The following LMF1 variants were observed in gnomAD, a reference collection of about 807,000 sequenced individuals.
LMF1 encodes transmembrane protein 112.
In LMF1, 68 loss-of-function variants were observed where a neutral mutation model predicts 60.6. That is an observed-to-expected ratio of 1.12 (90% confidence interval 0.92 to 1.37). LMF1 has a LOEUF of 1.37. LMF1 is among the 40% of genes most tolerant of loss of function. LMF1 has a pLI of 0.00. For missense variants in LMF1, 948 were observed against 767.2 expected, an observed-to-expected ratio of 1.24 and a Z score of -2.78; for synonymous variants, 418 against 324.7, an observed-to-expected ratio of 1.29 and a Z score of -3.09.
chr16:963,681 T>C (rs1439713561), intron 1 of LMF1, among the ~76,000 whole-genome samples: 2 of 151,694 alleles, frequency 1.3e-5, no homozygotes, highest in African/African-American at 4.8e-5. Context: ...AGCTGAAGGG[T>C]GGATGTGCTC....
intron 5 of LMF1, chr16:886,863 C>T (rs900562416): frequency 9.4e-6 from 1 of 106,138 alleles, no homozygotes; most frequent in African/African-American, 3.3e-5. Context: ...TCCCCAGGCC[C>T]CTCCCACCCT....
intron 8 of LMF1, 119 bp downstream of exon 8, chr16:870,610 G>A: frequency 8.4e-7 from 1 of 1,186,102 alleles, no homozygotes; most frequent in South Asian, 1.3e-5. Flanking sequence ...AGGCTGGGGT[G>A]GGGCAGGGGA....
chr16:889,201 C>T (rs1001617792), intron 5 of LMF1, among the ~76,000 whole-genome samples: 9 of 152,238 alleles, frequency 5.9e-5, no homozygotes, highest in Admixed American at 3.3e-4. Flanking sequence ...CAGGCAGAGC[C>T]ACCCGGTCGC....
intron 3 of LMF1, among the ~76,000 whole-genome samples, chr16:923,768 T>G (rs144353153): frequency 2.0e-5 from 3 of 152,110 alleles, no homozygotes; most frequent in Non-Finnish European, 2.9e-5. Context: ...TGCCCCACAA[T>G]CTCCAAATCC....
intron 3 of LMF1, among the ~76,000 whole-genome samples, chr16:924,665 C>T (rs1004561045): frequency 2.6e-5 from 4 of 152,268 alleles, no homozygotes; most frequent in Admixed American, 2.6e-4. Context: ...GGGTAGCCGC[C>T]CTCCAGTTGG....
intron 3 of LMF1, among the ~76,000 whole-genome samples, chr16:926,699 C>G (rs115262728): frequency 6.6e-6 from 1 of 152,256 alleles, no homozygotes; most frequent in Non-Finnish European, 1.5e-5. Context: ...AACCCGGCAC[C>G]ACGGCCCACA....
chr16:897,667 G>A lies in LMF1; in HGVS notation c.664-4595C>T, dbSNP rs1274763265. On this transcript the variant is annotated intron_variant, in intron 4 of 10. Coordinates refer to ENST00000262301, the MANE Select transcript of LMF1 (RefSeq NM_022773.4). The surrounding 1 kb of genome is among the most constrained non-coding windows in gnomAD (Gnocchi z 4.3). ...TTCTCCCCGAGTGCTCTGAGAGCTG[G>A]GGGTGGGTGGAAACCGTGTCTCAGG... Among the ~76,000 whole-genome samples the A allele has an allele frequency of 6.6e-6, 1 of 152,178 alleles. No individual in the cohort carries two copies. Among genetic ancestry groups the A allele is most frequent in the Non-Finnish European group, 1.5e-5 (1 of 68,032 alleles).
rs371654097 is a variant in LMF1 at position 871,354 on chromosome 16, C to T, written c.898-13G>A. 114 of 1,610,884 alleles carry T rather than the reference C, an allele frequency of 7.1e-5. No homozygotes were observed. The highest frequency in any genetic ancestry group is 1.3e-4 in the Admixed American group (8 of 59,946). Reference sequence around the variant, plus strand: ...CGATGAGGACGGCCTGTGGAGACGCCGCAGCTGAGTCTCGTGCAGGGGCTC... The same window carrying T: ...CGATGAGGACGGCCTGTGGAGACGCTGCAGCTGAGTCTCGTGCAGGGGCTC... On this transcript the variant is annotated splice_polypyrimidine_tract_variant and intron_variant, in intron 6 of 10. Coordinates refer to ENST00000262301, the MANE Select transcript of LMF1 (RefSeq NM_022773.4).
chr16:948,869 TC>T (rs2072339557), intron 2 of LMF1, among the ~76,000 whole-genome samples: 1 of 73,218 alleles, frequency 1.4e-5, no homozygotes, highest in Non-Finnish European at 2.3e-5. Flanking sequence ...AACGACAGAG[TC>T]AGAGCCAATG....
Position 954,378 on chromosome 16 carries a change from A to C in LMF1, c.482T>G (p.Leu161Arg). Residue 161 changes from leucine (L) to arginine (R), a missense_variant, in exon 2 of 11, where the codon CTG (leucine) becomes CGG (arginine). Physicochemically the swap from Leu to Arg is moderately radical, Grantham distance 102. Coordinates refer to ENST00000262301, the MANE Select transcript of LMF1 (RefSeq NM_022773.4). ...TCACCAGACATGGCCCACATTAACC[A>C]GGGACATGTAGAGGCCCCACAGGGC... ...MAALWGLYMS[L>R]VNVGHVWYSF... 6.2e-7 allele frequency: 1 copy of C among 1,612,526 alleles called. No homozygotes were observed. The highest frequency in any genetic ancestry group is 1.1e-5 in the South Asian group (1 of 90,854).
chr16:908,194 G>A (rs1336537982), intron 4 of LMF1, among the ~76,000 whole-genome samples: 1 of 152,244 alleles, frequency 6.6e-6, no homozygotes, highest in Non-Finnish European at 1.5e-5. Context: ...CCCACAGCCT[G>A]TGAGAATATC....
chr16:976,416 C>A (rs1282475300), intron 1 of LMF1: 2 of 454,006 alleles, frequency 4.4e-6, no homozygotes, highest in African/African-American at 2.0e-5. Flanking sequence ...GGGTTAGGGA[C>A]AGGATTTACT....
intron 3 of LMF1, among the ~76,000 whole-genome samples, chr16:927,669 G>A (rs72759466): frequency 0.035 from 5,314 of 152,302 alleles, 116 homozygotes; most frequent in East Asian, 0.094. Flanking sequence ...GCCTGGTGCA[G>A]CCCAGGCGGA....
rs760985742 is a variant in LMF1 at position 878,271 on chromosome 16, C to T, written c.897+1299G>A. Among the ~76,000 whole-genome samples, 9 of 152,092 alleles carry T rather than the reference C, an allele frequency of 5.9e-5. No homozygotes were observed. In the East Asian group the frequency reaches 7.7e-4, roughly 13 times the overall value. On this transcript the variant is annotated intron_variant, in intron 6 of 10. Coordinates refer to ENST00000262301, the MANE Select transcript of LMF1 (RefSeq NM_022773.4). The surrounding 1 kb of genome is among the most constrained non-coding windows in gnomAD (Gnocchi z 5.2). ...AGTCCGTTCTTCCCACTTAGATTCA[C>T]GGCGACATCGATGCCCACAGGGAAA...
chr16:957,975 T>C (rs1275099442), intron 1 of LMF1, among the ~76,000 whole-genome samples: 1 of 152,122 alleles, frequency 6.6e-6, no homozygotes, highest in Non-Finnish European at 1.5e-5. Flanking sequence ...AGACTCAGTC[T>C]CTACAAAATA....
At chr16:877,218 T>C (rs573899493) in intron 6 of LMF1, among the ~76,000 whole-genome samples, 3 of 152,312 alleles carry the variant, frequency 2.0e-5, no homozygotes, top group African/African-American at 4.8e-5. Context: ...CCCGGCTACT[T>C]GAGAGGCTAT....
At chr16:972,617 G>A (rs1024266060), upstream of LMF1, among the ~76,000 whole-genome samples, 4 of 152,232 alleles carry the variant, frequency 2.6e-5, no homozygotes, top group African/African-American at 7.2e-5. Context: ...GACGGACGGC[G>A]AGAGGGACTG....
intron 10 of LMF1, among the ~76,000 whole-genome samples, chr16:865,652 C>T (rs910051256): frequency 3.9e-5 from 6 of 152,182 alleles, no homozygotes; most frequent in Admixed American, 6.5e-5. Flanking sequence ...AGGGTTTGCT[C>T]AGTTTATTGA....
intron 3 of LMF1, among the ~76,000 whole-genome samples, chr16:930,206 A>T (rs1416516517): frequency 8.9e-6 from 1 of 112,922 alleles, no homozygotes; most frequent in African/African-American, 3.2e-5. Context: ...TCGTCTGAAC[A>T]GGGGTGCAGG....
Sources: gnomAD v4.1 joint callset for allele counts (sites outside exome capture counted in the v4.1 genomes callset) on GRCh38, gnomAD v4.1.1 for gene constraint, Gnocchi (gnomAD v3.1) non-coding constraint, MANE v1.5 for transcripts, NCBI Gene and HGNC (gene_info 2026-07-23, HGNC 2026-07-21) for gene names.